Variants in LRRC23 observed in about 807,000 individuals in gnomAD.
LRRC23 encodes the protein leucine-rich repeat-containing protein 23.
In LRRC23, 28 loss-of-function variants were observed where a neutral mutation model predicts 37.7. That is an observed-to-expected ratio of 0.74 (90% CI 0.55 to 1.02). The LOEUF (loss-of-function observed/expected upper bound fraction) is 1.02, where lower values mean the gene tolerates loss of function less well. LRRC23 is among the 50% of genes least tolerant of loss of function. LRRC23 has a pLI of 0.00. For missense variants in LRRC23, 377 were observed against 413.2 expected, an observed-to-expected ratio of 0.91 and a Z score of 0.76; for synonymous variants, 161 against 165.4, an observed-to-expected ratio of 0.97 and a Z score of 0.20.
chr12:6,911,357 C>A (rs1945155900), intron 6 of LRRC23, among the ~76,000 whole-genome samples: 1 of 152,182 alleles, frequency 6.6e-6, no homozygotes, highest in African/African-American at 2.4e-5. Flanking sequence ...CTCATCCTGA[C>A]CCCCTGGGCA....
intron 5 of LRRC23, 99 bp downstream of exon 5, chr12:6,907,544 A>C (rs1944979442): frequency 8.0e-7 from 1 of 1,254,224 alleles, no homozygotes. Flanking sequence ...CTTCATCATT[A>C]TGATAATAAC....
rs1275092825 is a variant in LRRC23 at position 6,905,569 on chromosome 12, A to G, written c.-49-16A>G. On this transcript the variant is annotated splice_polypyrimidine_tract_variant and intron_variant, in intron 1 of 7. Coordinates refer to ENST00000443597, the MANE Select transcript of LRRC23 (RefSeq NM_001135217.2). ...AGCTGAAGGCTGGCAGAAGCTGATGAGACCTTCTTTTTCAGGAGGAGGACT... is the reference window on the plus strand; with the variant it reads ...AGCTGAAGGCTGGCAGAAGCTGATGGGACCTTCTTTTTCAGGAGGAGGACT... The G allele has an allele frequency of 3.8e-6, 6 of 1,558,698 alleles. No homozygotes were observed. The East Asian group carries it at 1.1e-4, about 29-fold the overall frequency.
intron 7 of LRRC23, 107 bp downstream of exon 7, chr12:6,913,134 C>A: frequency 8.6e-7 from 1 of 1,164,844 alleles, no homozygotes. Context: ...AGGAAAGCAT[C>A]AGACAAGCAG....
Position 6,906,676 on chromosome 12 carries a change from A to G in LRRC23, c.490+14A>G. 1 of 1,612,688 alleles carries G rather than the reference A, an allele frequency of 6.2e-7. No individual in the cohort carries two copies. The highest frequency in any genetic ancestry group is 8.5e-7 in the Non-Finnish European group (1 of 1,179,152). On this transcript the variant is annotated intron_variant, in intron 4 of 7. Coordinates refer to ENST00000443597, the MANE Select transcript of LRRC23 (RefSeq NM_001135217.2). The stretch of plus-strand genomic sequence containing the variant: ...TGAATCTCAAAGGTGGGTCTTTAGG[A>G]TGGGCTACACAAGATTCTTTCCTTC...
At position 6,912,905 on chromosome 12, in the gene LRRC23, C is replaced by T. The variant is rs138647132; in HGVS notation, c.934C>T (p.Arg312Trp). 4.6e-5 allele frequency: 75 copies of T among 1,613,948 alleles called. No homozygotes were observed. Among genetic ancestry groups the T allele is most frequent in the Admixed American group, 3.3e-4 (20 of 59,966 alleles). Residue 312 changes from arginine to tryptophan, a missense_variant, in exon 7 of 8, where the codon CGG (arginine) becomes TGG (tryptophan). This residue lies in a region of LRRC23 where 266 missense variants were observed against 285.6 expected (regional missense o/e 0.93). Transcript: ENST00000443597. ...LDKEFYEEEE[R>W]AEADVIRQRL... is the part of the protein sequence containing the mutation. ...CAAGGAATTCTATGAGGAGGAGGAA[C>T]GGGCTGAGGCTGATGTGATTCGACA...
At chr12:6,907,484 C>T (rs782391116) in intron 5 of LRRC23, 39 bp downstream of exon 5, 9 of 1,611,212 alleles carry the variant, frequency 5.6e-6, no homozygotes, top group South Asian at 3.3e-5. Flanking sequence ...GGGAAGAGGG[C>T]ACTGTCCTGG....
intron 4 of LRRC23, 172 bp downstream of exon 4, chr12:6,906,834 A>G: frequency 1.4e-6 from 1 of 737,134 alleles, no homozygotes; most frequent in Non-Finnish European, 2.2e-6. Flanking sequence ...ATAGGATCCA[A>G]TAAGACAAGG....
At chr12:6,908,619 AACC>A (rs1555140050) in intron 5 of LRRC23, among the ~76,000 whole-genome samples, 3 of 72,036 alleles carry the variant, frequency 4.2e-5, no homozygotes, top group African/African-American at 6.7e-5. Context: ...AAAAAAAAAA[AACC>A]AAAGAAAAAC....
intron 5 of LRRC23, chr12:6,907,823 G>A (rs1358239287): frequency 9.7e-6 from 4 of 413,566 alleles, no homozygotes; most frequent in African/African-American, 8.1e-5. Context: ...AGGTGTGGGG[G>A]TTTCTCCCCA....
In LRRC23 at chr12:6,912,819, C is replaced by T. The variant is rs78482853; in HGVS notation, c.848C>T (p.Thr283Met). ...TTGGTGCTGCTTGATAACCCATGCA[C>T]GGACGAAACCAGCTACCGCCAGGAG... Reference protein sequence around the residue: ...RALVLLDNPCTDETSYRQEAL... With the variant: ...RALVLLDNPCMDETSYRQEAL... The change falls in exon 7 of 8, where the codon ACG becomes ATG. Residue 283 changes from threonine to methionine, a missense_variant. Coordinates refer to ENST00000443597, the MANE Select transcript of LRRC23 (RefSeq NM_001135217.2). 3.8e-4 allele frequency: 606 copies of T among 1,614,166 alleles called. 1 individual carries two copies. The East Asian group carries it at 9.5e-3, about 25-fold the overall frequency.
intron 3 of LRRC23, among the ~76,000 whole-genome samples, 200 bp downstream of exon 3, chr12:6,906,154 T>TG (rs1487515559): frequency 6.6e-6 from 1 of 152,076 alleles, no homozygotes; most frequent in African/African-American, 2.4e-5. Context: ...TGAGAGTATA[T>TG]GGGGGGATTC....
At chr12:6,912,335 A>G (rs1054866722) in intron 6 of LRRC23, among the ~76,000 whole-genome samples, 12 of 152,038 alleles carry the variant, frequency 7.9e-5, no homozygotes, top group Non-Finnish European at 1.6e-4. Context: ...TAGCTTTTGT[A>G]CAGATGGGGT....
intron 5 of LRRC23, among the ~76,000 whole-genome samples, 160 bp from the exon 6 acceptor site, chr12:6,909,727 ACTT>A (rs1486795567): frequency 6.7e-6 from 1 of 150,134 alleles, no homozygotes. Context: ...CTTCTCCTGA[ACTT>A]CTTTACTTTC....
At position 6,904,871 on chromosome 12, in the gene LRRC23, A is replaced by T. The variant is rs2138134398; in HGVS notation, c.-254A>T. 1 of 152,276 alleles carries T rather than the reference A, an allele frequency of 6.6e-6. No individual in the cohort carries two copies. Among genetic ancestry groups the T allele is most frequent in the East Asian group, 1.9e-4 (1 of 5,186 alleles). The allele number at this position is 152,276 out of a possible 1,614,324, so 9.4% of individuals were successfully genotyped here. A position where few individuals can be genotyped will look rare whatever the true frequency, so the allele number is the denominator to read the frequency against. The stretch of plus-strand genomic sequence containing the variant: ...TGGCGTGGTAACCAGGCAACTACTG[A>T]TCAATCCCCTCCCCGGCTGATTTGC... On this transcript the variant is annotated 5_prime_UTR_variant, in exon 1 of 8. Transcript: ENST00000443597.
intron 6 of LRRC23, among the ~76,000 whole-genome samples, chr12:6,911,377 T>C (rs1555140726): frequency 6.6e-6 from 1 of 152,176 alleles, no homozygotes; most frequent in African/African-American, 2.4e-5. Flanking sequence ...ATTCTCTTAT[T>C]CATGAACTCT....
intron 5 of LRRC23, among the ~76,000 whole-genome samples, chr12:6,909,526 A>G (rs1945106658): frequency 7.8e-6 from 1 of 128,306 alleles, no homozygotes; most frequent in South Asian, 2.2e-4. Flanking sequence ...CTCCACAGGA[A>G]GCCACTGAAA....
rs1193592784 is a variant in LRRC23, at chr12:6,906,266, CCTT to C, written c.237-137_237-135del. The stretch of plus-strand genomic sequence containing the variant: ...TAAGAACCCACCTACCTTCTCTTAC[CCTT>C]CTTCTCCCCTACCATCTGTTGCCCA... On this transcript the variant is annotated intron_variant, in intron 3 of 7. Coordinates refer to ENST00000443597, the MANE Select transcript of LRRC23 (RefSeq NM_001135217.2). 7.3e-6 allele frequency: 6 copies of C among 816,430 alleles called. No homozygotes were observed. In the African/African-American group the frequency reaches 8.6e-5, roughly 12 times the overall value. 50.6% of individuals were successfully genotyped at this position (816,430 alleles called of 1,614,324 possible).
rs782194090 is a variant in LRRC23 at position 6,905,536 on chromosome 12, G to A, written c.-49-49G>A. ...GATGGGAGTGGCACGTGTCAATGAC[G>A]ATGAAGGAGCTGAAGGCTGGCAGAA... On this transcript the variant is annotated intron_variant, in intron 1 of 7. Coordinates refer to ENST00000443597, the MANE Select transcript of LRRC23 (RefSeq NM_001135217.2). 33 of 1,251,336 alleles carry A rather than the reference G, an allele frequency of 2.6e-5. No individual in the cohort carries two copies. In the African/African-American group the frequency reaches 3.1e-4, roughly 12 times the overall value. 77.5% of individuals were successfully genotyped at this position (1,251,336 alleles called of 1,614,324 possible). A position where few individuals can be genotyped will look rare whatever the true frequency, so the allele number is the denominator to read the frequency against.
rs1945210603 is a variant in LRRC23 at position 6,913,169 on chromosome 12, G to A, written c.*24+142G>A. ...GGACCCTTAAAGAGAGGAGGGTTAGGAGTCAGGGAGAGGAAAAGGGACCCA... is the reference window on the plus strand; with the variant it reads ...GGACCCTTAAAGAGAGGAGGGTTAGAAGTCAGGGAGAGGAAAAGGGACCCA... On this transcript the variant is annotated intron_variant, in intron 7 of 7. Transcript: ENST00000443597. The A allele has an allele frequency of 3.6e-6, 3 of 839,658 alleles. No homozygotes were observed. In the East Asian group the frequency reaches 7.8e-5, roughly 22 times the overall value. 52.0% of individuals were successfully genotyped at this position (839,658 alleles called of 1,614,324 possible). A position where few individuals can be genotyped will look rare whatever the true frequency, so the allele number is the denominator to read the frequency against.
Sources: gnomAD v4.1 joint callset for allele counts (sites outside exome capture counted in the v4.1 genomes callset) on GRCh38, gnomAD v4.1.1 for gene constraint, gnomAD v4.1.1 regional missense constraint, MANE v1.5 for transcripts, NCBI Gene and HGNC (gene_info 2026-07-23, HGNC 2026-07-21) for gene names.